DLG2: variants seen among roughly 807,000 people sequenced by gnomAD.
The protein encoded by DLG2 is discs large MAGUK scaffold protein 2, also known as disks large homolog 2.
Under a neutral mutation model 132.5 loss-of-function variants are expected in DLG2, and 45 were observed. The observed-to-expected ratio is 0.34, with a 90% CI of 0.27 to 0.44. The LOEUF is 0.44. Among genes scored for constraint, DLG2 ranks in the 20% least tolerant of loss-of-function variants. The pLI is 1.00. For missense variants in DLG2, 1,045 were observed against 1,196.9 expected (o/e 0.87, Z 1.87); for synonymous variants, 424 against 419.6 (o/e 1.01, Z -0.13).
At chr11:84,058,262 T>A (rs919786348) in intron 11 of DLG2, among the ~76,000 whole-genome samples, 1 of 152,026 alleles carries the variant, frequency 6.6e-6, no homozygotes, top group East Asian at 1.9e-4. Context: ...ATTTAAATAA[T>A]GTTAAGCTAA....
intron 3 of DLG2, among the ~76,000 whole-genome samples, chr11:85,503,923 C>G (rs1393790940): frequency 6.6e-6 from 1 of 152,024 alleles, no homozygotes; most frequent in East Asian, 1.9e-4. Flanking sequence ...CACAGTGAGA[C>G]CCTGTCTCAA....
chr11:84,280,825 G>C (rs1003209036), intron 7 of DLG2, among the ~76,000 whole-genome samples: 6 of 145,810 alleles, frequency 4.1e-5, no homozygotes, highest in African/African-American at 1.5e-4. Flanking sequence ...AGCCTCCCGA[G>C]TAGTAGCTGG....
At chr11:83,545,301 A>AT (rs1441361696) in intron 19 of DLG2, among the ~76,000 whole-genome samples, 2 of 152,176 alleles carry the variant, frequency 1.3e-5, no homozygotes, top group Non-Finnish European at 2.9e-5. Flanking sequence ...ATGAAATAAT[A>AT]TATGTAAAGT....
chr11:84,396,985 T>C (rs2098813178), intron 7 of DLG2, among the ~76,000 whole-genome samples: 1 of 152,212 alleles, frequency 6.6e-6, no homozygotes, highest in Non-Finnish European at 1.5e-5. Flanking sequence ...ATGAATGTCC[T>C]TTATCCTGTA....
At chr11:85,366,058 C>A (rs1036964170) in intron 3 of DLG2, among the ~76,000 whole-genome samples, 4 of 151,976 alleles carry the variant, frequency 2.6e-5, no homozygotes, top group African/African-American at 9.7e-5. Context: ...CACATGTATC[C>A]CAGAACTTAA....
intron 7 of DLG2, among the ~76,000 whole-genome samples, chr11:84,527,065 A>G (rs2099323374): frequency 6.6e-6 from 1 of 152,092 alleles, no homozygotes; most frequent in Non-Finnish European, 1.5e-5. Context: ...GGCGTGAGCC[A>G]CCGCTCCCGG....
chr11:84,848,313 G>C (rs1320335058), intron 6 of DLG2, among the ~76,000 whole-genome samples: 1 of 151,986 alleles, frequency 6.6e-6, no homozygotes, highest in East Asian at 1.9e-4. Context: ...GGACAACATA[G>C]TGAAGACCCA....
intron 9 of DLG2, among the ~76,000 whole-genome samples, chr11:84,127,836 A>G (rs1422030207): frequency 1.3e-5 from 2 of 152,016 alleles, no homozygotes; most frequent in Non-Finnish European, 2.9e-5. Flanking sequence ...ATTAGGGCCC[A>G]CCCTAATGAC....
At chr11:84,944,245 T>C (rs1381814617) in intron 6 of DLG2, among the ~76,000 whole-genome samples, 2 of 152,194 alleles carry the variant, frequency 1.3e-5, no homozygotes, top group Non-Finnish European at 2.9e-5. Flanking sequence ...TCTACAACCT[T>C]CTTGGACTTT....
At chr11:83,700,168 G>A (rs2082677588) in intron 18 of DLG2, among the ~76,000 whole-genome samples, 1 of 152,198 alleles carries the variant, frequency 6.6e-6, no homozygotes, top group South Asian at 2.1e-4. Flanking sequence ...TTGTTTTGAG[G>A]AGTAAATATA....
rs77711884 is a variant in DLG2 at position 85,550,303 on chromosome 11, A to G, written c.40+48354T>C. ...TAACACCTAAGCCATAGTGGATGGC[A>G]GAGCTAAAAGAGCACTGTATCACAT... On this transcript the variant is annotated intron_variant, in intron 3 of 27. Transcript: ENST00000376104. Among the ~76,000 whole-genome samples the G allele has an allele frequency of 9.2e-3, 1,399 of 152,374 alleles. 19 individuals are homozygous for G. Among genetic ancestry groups the G allele is most frequent in the African/African-American group, 0.03 (1,248 of 41,590 alleles).
intron 7 of DLG2, among the ~76,000 whole-genome samples, chr11:84,532,990 A>G (rs2099346496): frequency 6.6e-6 from 1 of 152,214 alleles, no homozygotes; most frequent in Admixed American, 6.5e-5. Flanking sequence ...AAGATTCTAT[A>G]CTGAACACAG....
chr11:84,987,417 A>T (rs1484726424), intron 6 of DLG2, among the ~76,000 whole-genome samples: 1 of 152,134 alleles, frequency 6.6e-6, no homozygotes, highest in Non-Finnish European at 1.5e-5. Context: ...TAGAAAAAAA[A>T]ATTTAAAATT....
chr11:83,782,717 T>C (rs1303493712), intron 18 of DLG2, among the ~76,000 whole-genome samples: 1 of 152,020 alleles, frequency 6.6e-6, no homozygotes, highest in Non-Finnish European at 1.5e-5. Context: ...AGGCTGATAC[T>C]GTGGGTGGTG....
At chr11:85,582,613 C>A (rs1161499858) in intron 3 of DLG2, among the ~76,000 whole-genome samples, 2 of 118,492 alleles carry the variant, frequency 1.7e-5, no homozygotes, top group African/African-American at 6.6e-5. Flanking sequence ...CACTTGAGGT[C>A]AGGAGTTCGA....
At chr11:83,475,738 CTCTCTT>C (rs1565377614) in intron 22 of DLG2, among the ~76,000 whole-genome samples, 14 of 150,698 alleles carry the variant, frequency 9.3e-5, no homozygotes, top group African/African-American at 2.4e-4. Flanking sequence ...TTTCTTTTCT[CTCTCTT>C]TCTTTCTTTG....
intron 3 of DLG2, among the ~76,000 whole-genome samples, chr11:85,439,650 C>T (rs768571459): frequency 1.3e-5 from 2 of 152,096 alleles, no homozygotes; most frequent in Non-Finnish European, 2.9e-5. Context: ...TGAGCCACCG[C>T]GCCCGGCCTG....
chr11:84,494,541 T>G (rs1381231327), intron 7 of DLG2, among the ~76,000 whole-genome samples: 1 of 152,116 alleles, frequency 6.6e-6, no homozygotes, highest in Non-Finnish European at 1.5e-5. Flanking sequence ...GAGTCAGGAC[T>G]ATGTCAGGTA....
At chr11:85,287,454 G>T (rs1386728513) in intron 3 of DLG2, among the ~76,000 whole-genome samples, 1 of 151,974 alleles carries the variant, frequency 6.6e-6, no homozygotes, top group Non-Finnish European at 1.5e-5. Flanking sequence ...TACAAACTAA[G>T]ATCATAGTCA....
Sources: gnomAD v4.1 joint callset for allele counts (sites outside exome capture counted in the v4.1 genomes callset) on GRCh38, gnomAD v4.1.1 for gene constraint, MANE v1.5 for transcripts, NCBI Gene and HGNC (gene_info 2026-07-23, HGNC 2026-07-21) for gene names.